The following DDOST variants were observed in gnomAD, a reference collection of about 807,000 sequenced individuals.
The protein encoded by DDOST is dolichyl-diphosphooligosaccharide--protein glycosyltransferase 48 kDa subunit.
In DDOST, 25 loss-of-function variants were observed where a neutral mutation model predicts 47.6. That is an observed-to-expected ratio of 0.53 (90% CI 0.38 to 0.73). DDOST has a LOEUF of 0.73. Ranked by LOEUF, DDOST falls within the 30% of genes least tolerant of loss-of-function variation. The pLI is 0.00. For missense variants in DDOST, 526 were observed against 573.9 expected (o/e 0.92, Z 0.85); for synonymous variants, 275 against 236.0 (o/e 1.17, Z -1.51).
intron 7 of DDOST, 45 bp downstream of exon 7, chr1:20,654,178 A>C: frequency 6.5e-7 from 1 of 1,548,562 alleles, no homozygotes; most frequent in African/African-American, 1.4e-5. Context: ...ATATACACAC[A>C]CTGCACCACC....
intron 2 of DDOST, 56 bp downstream of exon 2, chr1:20,660,825 A>G: frequency 9.7e-7 from 1 of 1,032,456 alleles, no homozygotes; most frequent in Non-Finnish European, 1.5e-6. Flanking sequence ...GAAGAAAGCA[A>G]TCCATCAAGT....
intron 2 of DDOST, among the ~76,000 whole-genome samples, chr1:20,657,839 G>T (rs940383766): frequency 6.6e-6 from 1 of 152,176 alleles, no homozygotes; most frequent in Non-Finnish European, 1.5e-5. Flanking sequence ...CTTTGGAGAG[G>T]CCAGGCAGTC....
chr1:20,661,365 C>T lies in DDOST; in HGVS notation c.-15G>A, dbSNP rs1056025210. The T allele has an allele frequency of 1.9e-6, 3 of 1,612,714 alleles. No homozygotes were observed. Among genetic ancestry groups the T allele is most frequent in the Non-Finnish European group, 2.5e-6 (3 of 1,179,732 alleles). On this transcript the variant is annotated 5_prime_UTR_variant, in exon 1 of 11. Coordinates refer to ENST00000602624, the MANE Select transcript of DDOST (RefSeq NM_005216.5). ...CTGGGCTCCATCTTCCTCCTCCTGC[C>T]GAAGGACCCAGCACGTGCACACCGG...
At chr1:20,656,318 T>C (rs1473833858) in intron 2 of DDOST, 131 bp from the exon 3 acceptor site, 1 of 671,338 alleles carries the variant, frequency 1.5e-6, no homozygotes, top group African/African-American at 1.8e-5. Flanking sequence ...GGGGCCACAA[T>C]GAGGGAGAGG....
chr1:20,654,752 G>A (rs2053349311), intron 5 of DDOST, 45 bp from the exon 6 acceptor site: 1 of 1,362,978 alleles, frequency 7.3e-7, no homozygotes. Context: ...CAGGAACTGA[G>A]CCCAAGGACA....
At chr1:20,656,053 A>C in intron 3 of DDOST, 48 bp downstream of exon 3, 1 of 1,492,016 alleles carries the variant, frequency 6.7e-7, no homozygotes. Context: ...ATGCTCTCCA[A>C]CTCCCTGGAG....
At position 20,654,312 on chromosome 1, in the gene DDOST, A is replaced by G. The variant is rs1374607579; in HGVS notation, c.705T>C (p.Asn235=). 2 of 1,555,436 alleles carry G rather than the reference A, an allele frequency of 1.3e-6. No individual in the cohort carries two copies. ...LLIAGLQARN[N]ARVIFSGSLD... ...GGGAGCCGCTGAAGATGACGCGGGC[A>G]TTGTTCCTGGCCTGGAGCCCAGCAA... Residue 235 remains asparagine (N), a synonymous_variant, in exon 7 of 11, where the codon AAT becomes AAC. Coordinates refer to ENST00000602624, the MANE Select transcript of DDOST (RefSeq NM_005216.5).
chr1:20,653,043 C>T (rs2053314649), intron 8 of DDOST, 72 bp from the exon 9 acceptor site: 2 of 1,590,578 alleles, frequency 1.3e-6, no homozygotes, highest in South Asian at 1.1e-5. Flanking sequence ...GGCAGAGCTG[C>T]ACTTAATTCC....
At chr1:20,658,056 C>A (rs1046728777) in intron 2 of DDOST, among the ~76,000 whole-genome samples, 11 of 152,214 alleles carry the variant, frequency 7.2e-5, no homozygotes, top group Non-Finnish European at 1.6e-4. Flanking sequence ...CAGTCTGAAA[C>A]GTCAAGAATG....
Position 20,652,305 on chromosome 1 carries a change from A to AAAAC in DDOST, c.*70_*73dup. 1 of 1,435,700 alleles carries AAAAC rather than the reference A, an allele frequency of 7.0e-7. No individual in the cohort carries two copies. Among genetic ancestry groups the AAAAC allele is most frequent in the Non-Finnish European group, 9.2e-7 (1 of 1,086,854 alleles). The allele number at this position is 1,435,700 out of a possible 1,614,324, so 88.9% of individuals were successfully genotyped here. ...ATTTTCCCACGGCTTTAAACAAAGC[A>AAAAC]AAACAAAACCACCAATCCTAATAAC... On this transcript the variant is annotated 3_prime_UTR_variant, in exon 11 of 11. Transcript: ENST00000602624.
rs373084940 is a variant in DDOST, at chr1:20,654,452, G to C, written c.646-81C>G. 11 of 1,516,438 alleles carry C rather than the reference G, an allele frequency of 7.3e-6. No homozygotes were observed. The Admixed American group carries it at 2.0e-4, about 27-fold the overall frequency. 93.9% of individuals were successfully genotyped at this position (1,516,438 alleles called of 1,614,324 possible). ...ACGCCTCCCGAACAAGAGGACAGCA[G>C]GCCAGACCAAAACGACCCTGGCCCT... On this transcript the variant is annotated intron_variant, in intron 6 of 10. Coordinates refer to ENST00000602624, the MANE Select transcript of DDOST (RefSeq NM_005216.5).
chr1:20,652,986 C>G lies in DDOST; in HGVS notation c.943-15G>C. On this transcript the variant is annotated splice_polypyrimidine_tract_variant and intron_variant, in intron 8 of 10. Transcript: ENST00000602624. ...ATGCTATACTCCTGAGATAAAAGGC[C>G]AGGTTAGCCAGGGCTGGCCATGACT... 6.2e-7 allele frequency: 1 copy of G among 1,613,952 alleles called. No homozygotes were observed. Among genetic ancestry groups the G allele is most frequent in the Non-Finnish European group, 8.5e-7 (1 of 1,179,886 alleles).
rs867199914 is a variant in DDOST at position 20,655,884 on chromosome 1, C to T, written c.353-105G>A. On this transcript the variant is annotated intron_variant, in intron 3 of 10. Transcript: ENST00000602624. ...CCTCTCTGTCAGCCCCAGTGCCCTG[C>T]AGCTTCATCCAGCTGGGCTCAGCCC... The T allele has an allele frequency of 7.9e-5, 76 of 961,252 alleles. No homozygotes were observed. The African/African-American group carries it at 1.1e-3, about 14-fold the overall frequency. 59.5% of individuals were successfully genotyped at this position (961,252 alleles called of 1,614,324 possible). A position where few individuals can be genotyped will look rare whatever the true frequency, so the allele number is the denominator to read the frequency against.
intron 2 of DDOST, among the ~76,000 whole-genome samples, chr1:20,659,131 T>C (rs2053408234): frequency 1.3e-5 from 2 of 151,752 alleles, no homozygotes; most frequent in African/African-American, 4.8e-5. Context: ...GTGATGGGAT[T>C]ACAGGGATAA....
At chr1:20,654,413 A>G in intron 6 of DDOST, 42 bp from the exon 7 acceptor site, 1 of 1,542,296 alleles carries the variant, frequency 6.5e-7, no homozygotes, top group Non-Finnish European at 8.8e-7. Context: ...GTTCCAAGTA[A>G]GGGAAAAGCT....
intron 5 of DDOST, 35 bp from the exon 6 acceptor site, chr1:20,654,742 C>T (rs773354660): frequency 1.4e-4 from 210 of 1,458,814 alleles, no homozygotes; most frequent in Non-Finnish European, 1.8e-4. Flanking sequence ...GCACTGGCCC[C>T]AGGAACTGAG....
At chr1:20,657,859 C>A (rs1166772639) in intron 2 of DDOST, among the ~76,000 whole-genome samples, 1 of 152,184 alleles carries the variant, frequency 6.6e-6, no homozygotes, top group Non-Finnish European at 1.5e-5. Context: ...CTTGGACATT[C>A]CAAAAGCAGC....
chr1:20,655,976 G>A (rs957710223), intron 3 of DDOST, 125 bp downstream of exon 3: 24 of 886,792 alleles, frequency 2.7e-5, no homozygotes, highest in South Asian at 5.9e-5. Flanking sequence ...CTGAGAAAAC[G>A]GTTCCCTCAC....
At chr1:20,655,179 T>TTG (rs1447736264) in intron 5 of DDOST, among the ~76,000 whole-genome samples, 14 of 132,604 alleles carry the variant, frequency 1.1e-4, no homozygotes, top group South Asian at 4.8e-4. Context: ...TTGTTTTTTT[T>TTG]TTTTTTTTTT....
Sources: gnomAD v4.1 joint callset for allele counts (sites outside exome capture counted in the v4.1 genomes callset) on GRCh38, gnomAD v4.1.1 for gene constraint, MANE v1.5 for transcripts, NCBI Gene and HGNC (gene_info 2026-07-23, HGNC 2026-07-21) for gene names.